PPP2CA: variants seen among roughly 807,000 people sequenced by gnomAD.
PPP2CA encodes serine/threonine-protein phosphatase 2A catalytic subunit alpha isoform.
Under a neutral mutation model 38.8 loss-of-function variants are expected in PPP2CA, and 5 were observed. The observed-to-expected ratio is 0.13, with a 90% CI of 0.07 to 0.27. The LOEUF (loss-of-function observed/expected upper bound fraction) is 0.27. Ranked by LOEUF, PPP2CA falls within the 10% of genes least tolerant of loss-of-function variation. The pLI, the probability that PPP2CA is intolerant of heterozygous loss-of-function variation, is 1.00. For synonymous variants in PPP2CA, 152 were observed against 134.0 expected (o/e 1.13, Z -0.93); for missense variants, 88 against 389.7 (o/e 0.23, Z 6.52).
In PPP2CA at chr5:134,196,464, A is replaced by C. The variant is rs1485181619; in HGVS notation, c.*1308T>G. The C allele has an allele frequency of 2.0e-5, 3 of 152,210 alleles. No homozygotes were observed. Among genetic ancestry groups the C allele is most frequent in the Non-Finnish European group, 4.4e-5 (3 of 68,036 alleles). 9.4% of individuals were successfully genotyped at this position (152,210 alleles called of 1,614,324 possible). On this transcript the variant is annotated 3_prime_UTR_variant, in exon 7 of 7. Transcript: ENST00000481195. ...TAAGTACCATTTTTGTCTTCGGGTG[A>C]ATGTACATAAGACTAAATCATGATC... is the stretch of plus-strand genomic sequence containing the variant.
At position 134,201,844 on chromosome 5, in the gene PPP2CA, A is replaced by ATACC; in HGVS notation, c.486_486+3dup. 1 of 1,613,020 alleles carries ATACC rather than the reference A, an allele frequency of 6.2e-7. No individual in the cohort carries two copies. Among genetic ancestry groups the ATACC allele is most frequent in the Non-Finnish European group, 8.5e-7 (1 of 1,179,530 alleles). The stretch of plus-strand genomic sequence containing the variant: ...AATCAGCAATGAGTTTTAGATCCAC[A>ATACC]TACCTGCCCATCCACCAAGGCAGTG... On this transcript the variant is annotated splice_donor_region_variant and intron_variant, in intron 3 of 6. Transcript: ENST00000481195.
At chr5:134,205,447 T>A (rs901971146) in intron 2 of PPP2CA, among the ~76,000 whole-genome samples, 9 of 151,422 alleles carry the variant, frequency 5.9e-5, no homozygotes, top group Non-Finnish European at 1.2e-4. Flanking sequence ...AGTGGCGCAA[T>A]CTCAGCTCAC....
rs1339304808 is a variant in PPP2CA, at chr5:134,201,902, T to C, written c.432A>G (p.Lys144=). 2.5e-6 allele frequency: 4 copies of C among 1,614,090 alleles called. No homozygotes were observed. The highest frequency in any genetic ancestry group is 8.5e-7 in the Non-Finnish European group (1 of 1,179,984). ...GATAGTCAAAAAGATCTGTAAAATA[T>C]TTCCAAACATTTGCATTTCCATATT... The part of the protein sequence containing the change: ...LRKYGNANVW[K]YFTDLFDYLP... Residue 144 remains lysine (K), a synonymous_variant, in exon 3 of 7, where the codon AAA becomes AAG. Coordinates refer to ENST00000481195, the MANE Select transcript of PPP2CA (RefSeq NM_002715.4).
At chr5:134,220,022 A>T (rs1026640745) in intron 1 of PPP2CA, among the ~76,000 whole-genome samples, 164 of 151,904 alleles carry the variant, frequency 1.1e-3, no homozygotes, top group African/African-American at 3.3e-3. Flanking sequence ...AAAAAAAAAA[A>T]AAAAAAAAAG....
intron 1 of PPP2CA, among the ~76,000 whole-genome samples, chr5:134,213,136 C>T (rs1425172021): frequency 2.6e-5 from 4 of 152,280 alleles, no homozygotes; most frequent in Non-Finnish European, 1.5e-5. Context: ...GAAGATGCCA[C>T]TTAGGACTTT....
intron 1 of PPP2CA, among the ~76,000 whole-genome samples, chr5:134,215,558 G>A (rs1176844797): frequency 6.6e-6 from 1 of 150,962 alleles, no homozygotes; most frequent in Non-Finnish European, 1.5e-5. Flanking sequence ...CTGGGTGACA[G>A]AGCAAAACTC....
chr5:134,198,807 C>A (rs552436086), intron 6 of PPP2CA, among the ~76,000 whole-genome samples: 2 of 152,300 alleles, frequency 1.3e-5, no homozygotes, highest in East Asian at 3.9e-4. Context: ...CTCAGGTGAT[C>A]CACCCGAGCC....
intron 1 of PPP2CA, among the ~76,000 whole-genome samples, chr5:134,221,989 T>C (rs1293564428): frequency 6.8e-6 from 1 of 146,716 alleles, no homozygotes; most frequent in Admixed American, 6.9e-5. Context: ...AAAAAAAAAG[T>C]TTTATTTTAT....
chr5:134,208,803 G>A (rs1762139709), intron 1 of PPP2CA, among the ~76,000 whole-genome samples: 1 of 152,200 alleles, frequency 6.6e-6, no homozygotes, highest in South Asian at 2.1e-4. Flanking sequence ...AGAAACAATA[G>A]TTTTCCTTTG....
At chr5:134,216,753 C>G (rs971720513) in intron 1 of PPP2CA, among the ~76,000 whole-genome samples, 4 of 152,038 alleles carry the variant, frequency 2.6e-5, no homozygotes, top group Non-Finnish European at 4.4e-5. Flanking sequence ...AGCTTCCAGC[C>G]TCCGCCTCCC....
intron 1 of PPP2CA, among the ~76,000 whole-genome samples, chr5:134,224,609 GA>G (rs1762522931): frequency 6.6e-6 from 1 of 152,214 alleles, no homozygotes; most frequent in Non-Finnish European, 1.5e-5. Flanking sequence ...TTTGAAAAGG[GA>G]AGTTAAAATG....
intron 1 of PPP2CA, among the ~76,000 whole-genome samples, chr5:134,222,874 T>C (rs1280537935): frequency 2.0e-5 from 3 of 152,212 alleles, no homozygotes; most frequent in African/African-American, 7.2e-5. Flanking sequence ...CTTAATCACA[T>C]CTTAAAATTC....
At chr5:134,209,384 T>A (rs1762153020) in intron 1 of PPP2CA, among the ~76,000 whole-genome samples, 1 of 152,220 alleles carries the variant, frequency 6.6e-6, no homozygotes, top group Non-Finnish European at 1.5e-5. Flanking sequence ...GTTGTTGTTG[T>A]TTTGGTCTCA....
intron 1 of PPP2CA, among the ~76,000 whole-genome samples, chr5:134,209,099 C>T (rs1762145919): frequency 6.6e-6 from 1 of 152,048 alleles, no homozygotes; most frequent in African/African-American, 2.4e-5. Flanking sequence ...ATCAAATTGT[C>T]CTTTAAAATA....
intron 1 of PPP2CA, among the ~76,000 whole-genome samples, chr5:134,213,819 A>T (rs1298345167): frequency 6.6e-6 from 1 of 152,172 alleles, no homozygotes; most frequent in African/African-American, 2.4e-5. Context: ...ACCATGTCAC[A>T]ATTCTTTGCA....
At chr5:134,216,756 C>T (rs776625827) in intron 1 of PPP2CA, among the ~76,000 whole-genome samples, 10 of 152,012 alleles carry the variant, frequency 6.6e-5, no homozygotes, top group Non-Finnish European at 1.3e-4. Context: ...TTCCAGCCTC[C>T]GCCTCCCAAA....
At chr5:134,215,909 T>C (rs1014328308) in intron 1 of PPP2CA, among the ~76,000 whole-genome samples, 4 of 152,180 alleles carry the variant, frequency 2.6e-5, no homozygotes, top group Admixed American at 6.5e-5. Context: ...AGGACTTGGG[T>C]ACTCCAACGA....
At chr5:134,219,187 T>C (rs1300484604) in intron 1 of PPP2CA, among the ~76,000 whole-genome samples, 1 of 152,166 alleles carries the variant, frequency 6.6e-6, no homozygotes, top group Non-Finnish European at 1.5e-5. Context: ...AAAGTCAATC[T>C]CCTGACTAAT....
chr5:134,198,389 T>C (rs1761900641), intron 6 of PPP2CA, among the ~76,000 whole-genome samples: 1 of 94,478 alleles, frequency 1.1e-5, no homozygotes, highest in African/African-American at 4.1e-5. Context: ...TGAGACTCCG[T>C]CTCAAAAAAC....
Sources: allele counts gnomAD v4.1 joint callset (sites outside exome capture counted in the v4.1 genomes callset), GRCh38; gene constraint gnomAD v4.1.1; transcripts MANE v1.5; gene names NCBI Gene and HGNC (gene_info 2026-07-23, HGNC 2026-07-21).